Variants in FOXP2 observed in about 807,000 individuals in gnomAD.
FOXP2 encodes forkhead box protein P2.
A neutral mutation model predicts 115.8 loss-of-function variants in FOXP2; 12 were observed. The ratio of observed to expected loss-of-function variants is 0.10; its 90% CI spans 0.07 to 0.17. FOXP2 has a LOEUF of 0.17. Among genes scored for constraint, FOXP2 ranks in the 10% least tolerant of loss-of-function variants. FOXP2 has a pLI of 1.00. For missense variants in FOXP2, 629 were observed against 843.5 expected (o/e 0.75, Z 3.15); for synonymous variants, 328 against 297.7 (o/e 1.10, Z -1.05).
chr7:114,257,988 A>G (rs4342529), intron 1 of FOXP2, among the ~76,000 whole-genome samples: 22 of 152,232 alleles, frequency 1.4e-4, no homozygotes, highest in African/African-American at 5.3e-4. Flanking sequence ...CTAGACAATT[A>G]TAAGCACTTT....
intron 1 of FOXP2, among the ~76,000 whole-genome samples, chr7:114,279,929 A>G (rs1796285854): frequency 6.6e-6 from 1 of 152,036 alleles, no homozygotes; most frequent in Non-Finnish European, 1.5e-5. Flanking sequence ...AGGCTTAGGC[A>G]TCTTACTGCA....
chr7:114,262,080 A>C (rs1281398908), intron 1 of FOXP2, among the ~76,000 whole-genome samples: 4 of 151,868 alleles, frequency 2.6e-5, no homozygotes, highest in Non-Finnish European at 5.9e-5. Context: ...AAAACAAAAA[A>C]AATGCATCTA....
intron 3 of FOXP2, among the ~76,000 whole-genome samples, chr7:114,551,963 A>C (rs550519485): frequency 1.4e-4 from 21 of 152,308 alleles, no homozygotes; most frequent in Admixed American, 1.1e-3. Flanking sequence ...AGTGATTAAC[A>C]AAACAATATG....
chr7:114,311,310 G>A (rs1273134914), intron 2 of FOXP2, among the ~76,000 whole-genome samples: 1 of 152,138 alleles, frequency 6.6e-6, no homozygotes, highest in Non-Finnish European at 1.5e-5. Flanking sequence ...AATGGATAAA[G>A]GTCAGTCTTC....
At chr7:114,441,887 AG>A (rs1024893008) in intron 2 of FOXP2, among the ~76,000 whole-genome samples, 4 of 152,214 alleles carry the variant, frequency 2.6e-5, no homozygotes, top group African/African-American at 9.6e-5. Flanking sequence ...ATGGAGAAAC[AG>A]GAACTCTCAT....
intron 16 of FOXP2, among the ~76,000 whole-genome samples, chr7:114,673,759 G>A (rs964378805): frequency 6.6e-6 from 1 of 152,070 alleles, no homozygotes; most frequent in Admixed American, 6.5e-5. Flanking sequence ...GAGTGCATTG[G>A]CACGATGTCA....
At chr7:114,632,195 G>T (rs574004735) in intron 6 of FOXP2, among the ~76,000 whole-genome samples, 3 of 152,298 alleles carry the variant, frequency 2.0e-5, no homozygotes, top group African/African-American at 7.2e-5. Flanking sequence ...GTTAAGCTTT[G>T]TAGAACCCCA....
chr7:114,335,116 A>G (rs1300261237), intron 2 of FOXP2, among the ~76,000 whole-genome samples: 1 of 151,220 alleles, frequency 6.6e-6, no homozygotes, highest in Non-Finnish European at 1.5e-5. Context: ...CTTTATTTGT[A>G]TAGTAGCTAT....
At chr7:114,549,048 C>T (rs1800073069) in intron 3 of FOXP2, among the ~76,000 whole-genome samples, 1 of 152,166 alleles carries the variant, frequency 6.6e-6, no homozygotes, top group Admixed American at 6.6e-5. Flanking sequence ...GTATTTCCTG[C>T]AGCAATTACT....
intron 1 of FOXP2, among the ~76,000 whole-genome samples, chr7:114,143,618 C>T (rs1319432229): frequency 5.3e-5 from 8 of 152,090 alleles, no homozygotes; most frequent in Non-Finnish European, 1.2e-4. Context: ...ATGACTTTAA[C>T]AGCAGGAATA....
chr7:114,547,723 C>A (rs1800000960), intron 3 of FOXP2, among the ~76,000 whole-genome samples: 1 of 152,026 alleles, frequency 6.6e-6, no homozygotes, highest in South Asian at 2.1e-4. Context: ...CATGCCACTG[C>A]ACTCCAGCCT....
intron 7 of FOXP2, among the ~76,000 whole-genome samples, 189 bp downstream of exon 7, chr7:114,642,812 A>ATATATATATATATTT (rs1308357594): frequency 9.7e-5 from 7 of 72,424 alleles, no homozygotes; most frequent in African/African-American, 1.4e-4. Context: ...ATATATATAT[A>ATATATATATATATTT]TTTTTTTTTT....
intron 2 of FOXP2, among the ~76,000 whole-genome samples, chr7:114,346,475 C>A (rs1791351504): frequency 6.6e-6 from 1 of 151,820 alleles, no homozygotes. Context: ...GATATCTCTG[C>A]AGTCTGCTGT....
intron 2 of FOXP2, among the ~76,000 whole-genome samples, chr7:114,318,710 C>CATATATATATATATATAT (rs144291161): frequency 1.7e-4 from 25 of 147,416 alleles, no homozygotes; most frequent in African/African-American, 5.5e-4. Flanking sequence ...TTAGATAATT[C>CATATATATATATATATAT]ATATATATAT....
intron 3 of FOXP2, among the ~76,000 whole-genome samples, chr7:114,606,209 A>G (rs1331820402): frequency 2.0e-5 from 3 of 152,224 alleles, no homozygotes; most frequent in African/African-American, 7.2e-5. Flanking sequence ...CAGGATCTAC[A>G]GTAAAAGAAA....
chr7:114,291,960 A>AAT (rs3997264), intron 2 of FOXP2, among the ~76,000 whole-genome samples: 907 of 53,064 alleles, frequency 0.017, 60 homozygotes, highest in African/African-American at 0.021. Flanking sequence ...TAATATATAG[A>AAT]ATATATATTA....
chr7:114,543,236 G>T (rs1164596252), intron 3 of FOXP2, among the ~76,000 whole-genome samples: 1 of 152,116 alleles, frequency 6.6e-6, no homozygotes, highest in Non-Finnish European at 1.5e-5. Context: ...CTATAGTATA[G>T]TGGATTTTTC....
chr7:114,614,407 G>A (rs1803813972), intron 3 of FOXP2, among the ~76,000 whole-genome samples: 1 of 152,096 alleles, frequency 6.6e-6, no homozygotes, highest in Non-Finnish European at 1.5e-5. Context: ...CTATAGGAGT[G>A]TTTCACATAT....
intron 2 of FOXP2, among the ~76,000 whole-genome samples, chr7:114,497,677 A>G (rs918609923): frequency 2.1e-5 from 3 of 144,564 alleles, no homozygotes; most frequent in East Asian, 3.9e-4. Context: ...AAATAAATAA[A>G]TAAATAAATA....
Sources: allele counts gnomAD v4.1 joint callset (sites outside exome capture counted in the v4.1 genomes callset), GRCh38; gene constraint gnomAD v4.1.1; transcripts MANE v1.5; gene names NCBI Gene and HGNC (gene_info 2026-07-23, HGNC 2026-07-21).